Variants in COPA observed in about 807,000 individuals in gnomAD.
The protein encoded by COPA is coat protein complex I subunit alpha, also known as coatomer subunit alpha.
A neutral mutation model predicts 158.7 loss-of-function variants in COPA; 10 were observed. The ratio of observed to expected loss-of-function variants is 0.06; its 90% confidence interval spans 0.04 to 0.11. The LOEUF is 0.11. Among genes scored for constraint, COPA ranks in the 10% least tolerant of loss-of-function variants. COPA has a pLI of 1.00. For synonymous variants in COPA, 462 were observed against 542.8 expected (o/e 0.85, Z 2.07); for missense variants, 1,065 against 1,536.7 (o/e 0.69, Z 5.13).
At chr1:160,291,118 C>T (rs1658216160) in intron 31 of COPA, among the ~76,000 whole-genome samples, 1 of 152,142 alleles carries the variant, frequency 6.6e-6, no homozygotes, top group South Asian at 2.1e-4. Context: ...CTAGGTTGCA[C>T]GGCACTCTTA....
intron 8 of COPA, among the ~76,000 whole-genome samples, chr1:160,320,008 TTAG>T (rs1447002564): frequency 7.0e-6 from 1 of 143,344 alleles, no homozygotes; most frequent in Non-Finnish European, 1.5e-5. Context: ...AAACCCTAAA[TTAG>T]TAGAAGAAAA....
At position 160,333,637 on chromosome 1, in the gene COPA, G is replaced by T. The variant is rs1164563693; in HGVS notation, c.352C>A (p.Arg118=). 2 of 1,613,322 alleles carry T rather than the reference G, an allele frequency of 1.2e-6. No homozygotes were observed. The highest frequency in any genetic ancestry group is 1.7e-5 in the Admixed American group (1 of 59,980). The change falls in exon 5 of 33, where the codon CGA becomes AGA. Residue 118 remains arginine, a synonymous_variant. Transcript: ENST00000241704. ...GTTCTAGATTGCCAGTTCCACACTC[G>T]GATGGTCTGATCATCGGAGGCACTC... The part of the protein sequence containing the change: ...ILSASDDQTI[R]VWNWQSRTCV...
At chr1:160,297,172 C>T (rs1025882513) in intron 21 of COPA, among the ~76,000 whole-genome samples, 171 bp downstream of exon 21, 1 of 152,134 alleles carries the variant, frequency 6.6e-6, no homozygotes, top group African/African-American at 2.4e-5. Context: ...TCTGGCTGCA[C>T]CTCCCTTTGG....
At chr1:160,339,695 T>C (rs1176448009) in intron 3 of COPA, 4 of 490,366 alleles carry the variant, frequency 8.2e-6, no homozygotes, top group Admixed American at 3.5e-5. Flanking sequence ...ACAGAAGCCA[T>C]TTCTTATTTA....
intron 8 of COPA, among the ~76,000 whole-genome samples, chr1:160,323,043 A>G (rs1404608052): frequency 1.3e-5 from 2 of 152,018 alleles, no homozygotes; most frequent in East Asian, 3.9e-4. Flanking sequence ...GCTATAAAAA[A>G]GAATGAAATC....
At position 160,292,483 on chromosome 1, in the gene COPA, C is replaced by T; in HGVS notation, c.2960+1G>A. 1 of 1,613,344 alleles carries T rather than the reference C, an allele frequency of 6.2e-7. No individual in the cohort carries two copies. Among genetic ancestry groups the T allele is most frequent in the South Asian group, 1.1e-5 (1 of 91,004 alleles). On this transcript the variant is annotated splice_donor_variant, in intron 28 of 32. Coordinates refer to ENST00000241704, the MANE Select transcript of COPA (RefSeq NM_004371.4). LOFTEE classifies it high-confidence loss of function. ...TGAAAGCAAAGAGAAAAGGGCCTTA[C>T]CAGTTGCGATTAGGATAGCCATACA...
intron 3 of COPA, among the ~76,000 whole-genome samples, chr1:160,335,929 G>T (rs1199243857): frequency 6.8e-6 from 1 of 147,564 alleles, no homozygotes; most frequent in East Asian, 2.0e-4. Flanking sequence ...TTGGGAAGAA[G>T]CCATCTGCAT....
Position 160,305,682 on chromosome 1 carries a change from A to T in COPA, c.1528+6T>A. On this transcript the variant is annotated splice_donor_region_variant and intron_variant, in intron 16 of 32. Transcript: ENST00000241704. ...CTAAATCAGGGTGGATATAATGAAG[A>T]CTCACCGTGTTTGGCTAGTAGTGCT... 6.2e-7 allele frequency: 1 copy of T among 1,613,934 alleles called. No homozygotes were observed. The highest frequency in any genetic ancestry group is 8.5e-7 in the Non-Finnish European group (1 of 1,179,958).
chr1:160,288,974 T>G lies in COPA; in HGVS notation c.*1183A>C, dbSNP rs1459512016. On this transcript the variant is annotated 3_prime_UTR_variant, in exon 33 of 33. Coordinates refer to ENST00000241704, the MANE Select transcript of COPA (RefSeq NM_004371.4). ...TATGAAAAACATGTGCTTCTTTTTT[T>G]CTTTCTTTTTTTTTGAGATGGAGTC... Among the ~76,000 whole-genome samples the G allele has an allele frequency of 4.0e-5, 6 of 151,492 alleles. No homozygotes were observed. The South Asian group carries it at 1.2e-3, about 31-fold the overall frequency.
rs1199630800 is a variant in COPA, at chr1:160,298,877, A to G, written c.1945T>C (p.Phe649Leu). The G allele has an allele frequency of 1.2e-6, 2 of 1,614,160 alleles. No homozygotes were observed. The highest frequency in any genetic ancestry group is 1.7e-6 in the Non-Finnish European group (2 of 1,180,022). ...LHFVKDEKTR[F>L]SLALECGNIE... ...TTTCCACACTCCAGTGCCAGACTAAAGCGAGTTTTCTCATCCTTGACAAAA... is the reference window on the plus strand; with the variant it reads ...TTTCCACACTCCAGTGCCAGACTAAGGCGAGTTTTCTCATCCTTGACAAAA... Residue 649 changes from phenylalanine (F) to leucine (L), a missense_variant, in exon 19 of 33, where the codon TTT (phenylalanine) becomes CTT (leucine). Transcript: ENST00000241704.
rs566002988 is a variant in COPA at position 160,290,309 on chromosome 1, G to C, written c.3616-93C>G. The C allele has an allele frequency of 1.5e-4, 213 of 1,460,658 alleles. 2 individuals are homozygous for C. The East Asian group carries it at 4.8e-3, about 33-fold the overall frequency. 90.5% of individuals were successfully genotyped at this position (1,460,658 alleles called of 1,614,324 possible). A position where few individuals can be genotyped will look rare whatever the true frequency, so the allele number is the denominator to read the frequency against. On this transcript the variant is annotated intron_variant, in intron 32 of 32. Transcript: ENST00000241704. ...CCTATACCCCTCAATGGGCACAGTA[G>C]ACAGGTATTGGGGTGTTCATCACTG...
At chr1:160,306,050 T>C in intron 15 of COPA, 1 of 569,692 alleles carries the variant, frequency 1.8e-6, no homozygotes. Context: ...GACTGCAAGC[T>C]CCCTTAAATG....
intron 8 of COPA, among the ~76,000 whole-genome samples, chr1:160,321,037 TG>T (rs1283185228): frequency 1.3e-5 from 2 of 152,292 alleles, no homozygotes; most frequent in Non-Finnish European, 2.9e-5. Context: ...GATGCAAGAA[TG>T]GTTCAATATA....
At chr1:160,316,681 C>T (rs1336531472) in intron 8 of COPA, among the ~76,000 whole-genome samples, 2 of 147,684 alleles carry the variant, frequency 1.4e-5, no homozygotes, top group East Asian at 2.0e-4. Flanking sequence ...ACTCGGGAGG[C>T]GGAGGTCATG....
intron 13 of COPA, among the ~76,000 whole-genome samples, chr1:160,307,946 T>A (rs928843585): frequency 5.3e-5 from 8 of 152,174 alleles, no homozygotes; most frequent in Admixed American, 2.6e-4. Context: ...TGCTGGCCAG[T>A]CTTGCCCCTG....
In COPA at chr1:160,292,050, G is replaced by C; in HGVS notation, c.3109C>G (p.Pro1037Ala). ...TGTTTATTGTCCACAACAAGAAGTG[G>C]CACACTGAGAAGGATGGAACGGAAT... Reference protein sequence around the residue: ...EKFRSILLSVPLLVVDNKQEI... With the variant: ...EKFRSILLSVALLVVDNKQEI... The change falls in exon 29 of 33, where the codon CCA becomes GCA. Residue 1037 changes from proline (P) to alanine (A), a missense_variant. Physicochemically the swap from Pro to Ala is conservative, Grantham distance 27. Transcript: ENST00000241704. 1 of 1,614,204 alleles carries C rather than the reference G, an allele frequency of 6.2e-7. No homozygotes were observed. The highest frequency in any genetic ancestry group is 1.1e-5 in the South Asian group (1 of 91,084).
At chr1:160,310,935 T>C (rs2101843047) in intron 11 of COPA, among the ~76,000 whole-genome samples, 1 of 152,284 alleles carries the variant, frequency 6.6e-6, no homozygotes, top group South Asian at 2.1e-4. Context: ...GGCCATTCTC[T>C]ATCAAGAAAC....
chr1:160,325,711 C>T (rs750474595), intron 6 of COPA, 59 bp from the exon 7 acceptor site: 173 of 1,216,224 alleles, frequency 1.4e-4, no homozygotes, highest in Non-Finnish European at 2.0e-4. Flanking sequence ...TAAAACAGCA[C>T]AGTATCAGAA....
chr1:160,293,414 G>A lies in COPA; in HGVS notation c.2726C>T (p.Pro909Leu). Residue 909 changes from proline (P) to leucine (L), a missense_variant, in exon 26 of 33, where the codon CCC becomes CTC. This residue lies in a region of COPA where 980 missense variants were observed against 1,357.8 expected (regional missense o/e 0.72). Transcript: ENST00000241704. Reference protein sequence around the residue: ...AGGAEDGFFVPPTKGTSPTQI... With the variant: ...AGGAEDGFFVLPTKGTSPTQI... ...AGTTGGACTTGTTCCCTTGGTTGGG[G>A]GCACAAAGAAACCATCTTCAGCCCC... 6.2e-7 allele frequency: 1 copy of A among 1,612,562 alleles called. No homozygotes were observed.
Sources: allele counts gnomAD v4.1 joint callset (sites outside exome capture counted in the v4.1 genomes callset), GRCh38; gene constraint gnomAD v4.1.1; regional missense constraint gnomAD v4.1.1; transcripts MANE v1.5; gene names NCBI Gene and HGNC (gene_info 2026-07-23, HGNC 2026-07-21).